The following STK32B variants were observed in gnomAD, a reference collection of about 807,000 sequenced individuals.
STK32B encodes serine/threonine-protein kinase 32B.
STK32B carries 43 observed loss-of-function variants against 52.6 expected under a neutral mutation model. The ratio of observed to expected loss-of-function variants is 0.82; its 90% CI spans 0.64 to 1.05. The LOEUF is 1.05. Ranked by LOEUF, STK32B falls within the 50% of genes least tolerant of loss-of-function variation. The probability of loss-of-function intolerance (pLI) is 0.00; values close to 1 mark genes in which losing one functional copy is unlikely to be tolerated. For missense variants in STK32B, 621 were observed against 534.6 expected, an observed-to-expected ratio of 1.16 and a Z score of -1.59; for synonymous variants, 238 against 204.3, an observed-to-expected ratio of 1.17 and a Z score of -1.41.
At chr4:5,170,633 A>G (rs1265821870) in intron 3 of STK32B, among the ~76,000 whole-genome samples, 2 of 152,242 alleles carry the variant, frequency 1.3e-5, no homozygotes, top group South Asian at 2.1e-4. Flanking sequence ...TACAAAGGAC[A>G]TGAACTCATC....
At chr4:5,237,432 A>G (rs1440308784) in intron 3 of STK32B, among the ~76,000 whole-genome samples, 1 of 152,188 alleles carries the variant, frequency 6.6e-6, no homozygotes, top group Non-Finnish European at 1.5e-5. Context: ...TATTGTTGTG[A>G]AGAGTTTTCA....
chr4:5,369,136 CACTT>C (rs1445057337), intron 4 of STK32B, among the ~76,000 whole-genome samples: 2 of 151,984 alleles, frequency 1.3e-5, no homozygotes, highest in South Asian at 2.1e-4. Context: ...ATCTGGCTGA[CACTT>C]ACTCTTCGCC....
chr4:5,101,194 C>G (rs1158800403), intron 1 of STK32B, among the ~76,000 whole-genome samples: 1 of 152,188 alleles, frequency 6.6e-6, no homozygotes, highest in Admixed American at 6.5e-5. Context: ...ATGGCATGAG[C>G]CTGATTCCAG....
intron 1 of STK32B, among the ~76,000 whole-genome samples, chr4:5,061,782 C>G (rs1474393396): frequency 6.6e-6 from 1 of 152,168 alleles, no homozygotes; most frequent in Non-Finnish European, 1.5e-5. Flanking sequence ...TACCAAGCCT[C>G]CTCCTCTTTG....
At position 5,350,003 on chromosome 4, in the gene STK32B, A is replaced by T. The variant is rs115225530; in HGVS notation, c.434+18610A>T. Among the ~76,000 whole-genome samples the T allele has an allele frequency of 3.7e-3, 571 of 152,324 alleles. 3 individuals are homozygous for T. Among genetic ancestry groups the T allele is most frequent in the African/African-American group, 0.013 (554 of 41,592 alleles). On this transcript the variant is annotated intron_variant, in intron 4 of 11. Coordinates refer to ENST00000282908, the MANE Select transcript of STK32B (RefSeq NM_018401.3). ...ATATGGGACACCATAAATCAATTGG[A>T]TATTCAAATTTTCAGTGTCCCAGAA...
intron 3 of STK32B, among the ~76,000 whole-genome samples, chr4:5,316,246 GTA>G (rs1730702750): frequency 2.2e-5 from 1 of 44,492 alleles, no homozygotes; most frequent in Non-Finnish European, 3.2e-5. Flanking sequence ...ATTATATATT[GTA>G]TATATAATAT....
At chr4:5,122,606 CACTT>C (rs1715123089) in intron 1 of STK32B, among the ~76,000 whole-genome samples, 1 of 152,210 alleles carries the variant, frequency 6.6e-6, no homozygotes, top group Admixed American at 6.5e-5. Flanking sequence ...CCCACTCACT[CACTT>C]ATTCATTCCC....
In STK32B at chr4:5,147,649, A is replaced by G. The variant is rs561448698; in HGVS notation, c.108+7689A>G. Among the ~76,000 whole-genome samples, 3 of 152,132 alleles carry G rather than the reference A, an allele frequency of 2.0e-5. No individual in the cohort carries two copies. In the East Asian group the frequency reaches 5.8e-4, roughly 29 times the overall value. On this transcript the variant is annotated intron_variant, in intron 2 of 11. Coordinates refer to ENST00000282908, the MANE Select transcript of STK32B (RefSeq NM_018401.3). ...TTATCATGTCTTGCTGAATTCTATC[A>G]AATACTTTTTGTGCATTGGTTGAAA...
At chr4:5,271,154 T>C (rs940801039) in intron 3 of STK32B, among the ~76,000 whole-genome samples, 7 of 152,178 alleles carry the variant, frequency 4.6e-5, no homozygotes, top group Non-Finnish European at 8.8e-5. Flanking sequence ...GCCAAGCTGG[T>C]CTCAAATTCC....
At chr4:5,204,818 C>T (rs774334557) in intron 3 of STK32B, among the ~76,000 whole-genome samples, 6 of 152,122 alleles carry the variant, frequency 3.9e-5, no homozygotes, top group Non-Finnish European at 7.3e-5. Flanking sequence ...CTTCATCCTC[C>T]CTTATGGACC....
intron 11 of STK32B, among the ~76,000 whole-genome samples, chr4:5,496,761 A>G (rs1420345673): frequency 6.6e-6 from 1 of 152,024 alleles, no homozygotes; most frequent in Non-Finnish European, 1.5e-5. Flanking sequence ...GTTCCTTTTC[A>G]GTATGAAGAG....
chr4:5,278,674 T>G (rs779978072), intron 3 of STK32B, among the ~76,000 whole-genome samples: 1 of 152,154 alleles, frequency 6.6e-6, no homozygotes, highest in Non-Finnish European at 1.5e-5. Context: ...GTTATGGTAT[T>G]AGTCCCTTCT....
At chr4:5,267,245 T>A (rs560689672) in intron 3 of STK32B, among the ~76,000 whole-genome samples, 1 of 152,336 alleles carries the variant, frequency 6.6e-6, no homozygotes, top group East Asian at 1.9e-4. Flanking sequence ...GTGTCCATTA[T>A]AGCTGAGTCA....
chr4:5,206,784 G>A (rs1199445967), intron 3 of STK32B, among the ~76,000 whole-genome samples: 7 of 152,196 alleles, frequency 4.6e-5, no homozygotes, highest in African/African-American at 1.7e-4. Flanking sequence ...CATCCAAGAA[G>A]GAGCCTGCCC....
chr4:5,235,057 C>G (rs186731329), intron 3 of STK32B, among the ~76,000 whole-genome samples: 13 of 152,288 alleles, frequency 8.5e-5, no homozygotes, highest in Non-Finnish European at 1.8e-4. Flanking sequence ...CAGAACATTT[C>G]GTTTCTCAAG....
chr4:5,417,349 T>C (rs1203892646), intron 6 of STK32B, among the ~76,000 whole-genome samples: 2 of 152,240 alleles, frequency 1.3e-5, no homozygotes, highest in Non-Finnish European at 2.9e-5. Flanking sequence ...TTTATGGGAT[T>C]ATTGTTTTTA....
intron 11 of STK32B, among the ~76,000 whole-genome samples, chr4:5,481,799 A>G (rs1343635847): frequency 6.6e-6 from 1 of 152,214 alleles, no homozygotes; most frequent in East Asian, 1.9e-4. Context: ...GGCTTTCTAC[A>G]TATGGCTAGC....
intron 3 of STK32B, among the ~76,000 whole-genome samples, chr4:5,297,725 C>T (rs1464987569): frequency 6.6e-6 from 1 of 150,680 alleles, no homozygotes; most frequent in Non-Finnish European, 1.5e-5. Context: ...TAGGTTAGAA[C>T]ATGCTCCTTT....
chr4:5,437,343 G>A (rs1264527212), intron 6 of STK32B, among the ~76,000 whole-genome samples: 1 of 152,258 alleles, frequency 6.6e-6, no homozygotes, highest in African/African-American at 2.4e-5. Context: ...TGTGCCCTCA[G>A]AAGCCACGGG....
Sources: allele counts gnomAD v4.1 joint callset (sites outside exome capture counted in the v4.1 genomes callset), GRCh38; gene constraint gnomAD v4.1.1; transcripts MANE v1.5; gene names NCBI Gene and HGNC (gene_info 2026-07-23, HGNC 2026-07-21).